The following DHRSX variants were observed in gnomAD, a reference collection of about 807,000 sequenced individuals.
The protein encoded by DHRSX is dehydrogenase/reductase X-linked, also known as polyprenol dehydrogenase.
In DHRSX, 31 loss-of-function variants were observed where a neutral mutation model predicts 34.0. The ratio of observed to expected loss-of-function variants is 0.91; its 90% CI spans 0.69 to 1.23. DHRSX has a LOEUF of 1.23. Among genes scored for constraint, DHRSX ranks in the 50% most tolerant of loss-of-function variants. The pLI is 0.00. For missense variants in DHRSX, 414 were observed against 428.1 expected, an observed-to-expected ratio of 0.97 and a Z score of 0.29; for synonymous variants, 201 against 183.8, an observed-to-expected ratio of 1.09 and a Z score of -0.76.
intron 5 of DHRSX, among the ~76,000 whole-genome samples, chrX:2,259,897 C>T (rs1249748840): frequency 1.3e-5 from 2 of 151,954 alleles, no homozygotes; most frequent in African/African-American, 4.8e-5. Context: ...CTCTAGATCT[C>T]TAACTAATTA....
chrX:2,396,060 C>T (rs923371650), intron 3 of DHRSX, among the ~76,000 whole-genome samples: 8 of 152,084 alleles, frequency 5.3e-5, no homozygotes, highest in African/African-American at 1.9e-4. Flanking sequence ...CCCTGCCTCT[C>T]CTAGTTCCTG....
chrX:2,364,276 T>C (rs997497193), intron 3 of DHRSX, among the ~76,000 whole-genome samples: 32 of 152,272 alleles, frequency 2.1e-4, no homozygotes, highest in African/African-American at 7.5e-4. Flanking sequence ...GGAGGTATTT[T>C]TGGTTGTTAT....
chrX:2,285,685 A>G (rs1211983285), intron 4 of DHRSX, among the ~76,000 whole-genome samples: 1 of 152,160 alleles, frequency 6.6e-6, no homozygotes, highest in Non-Finnish European at 1.5e-5. Context: ...CCTCTTAGAC[A>G]CTAAAAGTAC....
chrX:2,259,423 ATAAAT>A (rs913908348), intron 5 of DHRSX, among the ~76,000 whole-genome samples: 4 of 147,702 alleles, frequency 2.7e-5, no homozygotes, highest in Non-Finnish European at 6.0e-5. Context: ...GATATATACA[ATAAAT>A]TAAAATAAAA....
intron 6 of DHRSX, among the ~76,000 whole-genome samples, chrX:2,230,684 C>T (rs1054234340): frequency 6.6e-6 from 1 of 152,150 alleles, no homozygotes; most frequent in African/African-American, 2.4e-5. Context: ...CAAACACTGA[C>T]ACTTACTAGA....
At chrX:2,405,215 G>A (rs1715825615) in intron 3 of DHRSX, among the ~76,000 whole-genome samples, 1 of 152,162 alleles carries the variant, frequency 6.6e-6, no homozygotes, top group African/African-American at 2.4e-5. Flanking sequence ...AAGGCCGGGC[G>A]CGGTGGCTCA....
At position 2,220,399 on chromosome X, in the gene DHRSX, C is replaced by T. The variant is rs895929921; in HGVS notation, c.*642G>A. The T allele has an allele frequency of 3.3e-5, 5 of 152,348 alleles. No individual in the cohort carries two copies. Among genetic ancestry groups the T allele is most frequent in the African/African-American group, 1.2e-4 (5 of 41,452 alleles). The allele number at this position is 152,348 out of a possible 1,614,324, so 9.4% of individuals were successfully genotyped here. The stretch of plus-strand genomic sequence containing the variant: ...TAGGTTCTGAGGGTTAGGGCATGAA[C>T]ATATCTTTTGAGGGCTACCATTTGA... On this transcript the variant is annotated 3_prime_UTR_variant, in exon 7 of 7. Transcript: ENST00000334651.
Position 2,446,116 on chromosome X carries a change from T to C in DHRSX, c.110-20812A>G, listed in dbSNP as rs1176824801. ...GAAGAACGTGGCAAAGGGACCGCAC[T>C]GAAGACGTTCCAGAAGTGTGCGGCC... On this transcript the variant is annotated intron_variant, in intron 1 of 6. Transcript: ENST00000334651. Among the ~76,000 whole-genome samples the C allele has an allele frequency of 2.7e-5, 4 of 150,210 alleles. 1 individual carries two copies. Among genetic ancestry groups the C allele is most frequent in the Non-Finnish European group, 4.5e-5 (3 of 67,404 alleles).
At chrX:2,410,294 A>G (rs1188416828) in intron 2 of DHRSX, among the ~76,000 whole-genome samples, 7 of 151,978 alleles carry the variant, frequency 4.6e-5, no homozygotes, top group Non-Finnish European at 8.8e-5. Flanking sequence ...AGGGTCACGG[A>G]AAAAGTGTTG....
At chrX:2,243,788 GTTTTTT>G (rs778957532) in intron 5 of DHRSX, among the ~76,000 whole-genome samples, 643 of 25,080 alleles carry the variant, frequency 0.026, 16 homozygotes, top group African/African-American at 0.05. Flanking sequence ...TATGCTCCCT[GTTTTTT>G]TTTTTTTTTT....
chrX:2,330,260 T>G (rs1250456783), intron 3 of DHRSX, among the ~76,000 whole-genome samples: 1 of 150,986 alleles, frequency 6.6e-6, no homozygotes, highest in Non-Finnish European at 1.5e-5. Context: ...CGGTGTCTCA[T>G]GCCTGTAATC....
At chrX:2,443,425 G>A (rs6642165) in intron 1 of DHRSX, among the ~76,000 whole-genome samples, 1 of 151,548 alleles carries the variant, frequency 6.6e-6, no homozygotes, top group African/African-American at 2.4e-5. Context: ...AGTCAAGGCA[G>A]CATGCAAAAC....
intron 3 of DHRSX, among the ~76,000 whole-genome samples, chrX:2,355,109 G>A (rs1167559583): frequency 1.3e-5 from 2 of 152,116 alleles, no homozygotes; most frequent in Non-Finnish European, 2.9e-5. Context: ...AAATAGGTTG[G>A]AAGGAAAACA....
chrX:2,295,524 T>A (rs765811775), intron 3 of DHRSX, among the ~76,000 whole-genome samples: 1 of 152,288 alleles, frequency 6.6e-6, no homozygotes, highest in East Asian at 1.9e-4. Flanking sequence ...TGTATACCTA[T>A]GTAACAAACT....
At chrX:2,309,660 T>C (rs143665712) in intron 3 of DHRSX, among the ~76,000 whole-genome samples, 2,224 of 152,284 alleles carry the variant, frequency 0.015, 22 homozygotes, top group Non-Finnish European at 0.024. Context: ...CCTGTCACTG[T>C]AGCATTTTGA....
intron 3 of DHRSX, among the ~76,000 whole-genome samples, chrX:2,298,985 CAAAAAAAAAAAAAAAAA>C (rs1162323678): frequency 1.1e-5 from 1 of 88,536 alleles, no homozygotes; most frequent in Admixed American, 1.3e-4. Context: ...AACTCTGTCT[CAAAAAAAAAAAAAAAAA>C]AAAAAAAAAA....
chrX:2,229,594 G>A (rs896575593), intron 6 of DHRSX, among the ~76,000 whole-genome samples: 12 of 152,056 alleles, frequency 7.9e-5, no homozygotes, highest in Non-Finnish European at 2.9e-5. Flanking sequence ...GCATAGGTAC[G>A]CATTTATGTG....
At chrX:2,429,976 T>C (rs1777716544) in intron 1 of DHRSX, among the ~76,000 whole-genome samples, 1 of 152,052 alleles carries the variant, frequency 6.6e-6, no homozygotes, top group Admixed American at 6.6e-5. Flanking sequence ...CACAAACAAT[T>C]GGCAGGTTAA....
rs574631590 is a variant in DHRSX, at chrX:2,248,432, C to CAAAAA, written c.597-5207_597-5203dup. 1.6e-4 allele frequency among the ~76,000 whole-genome samples: 18 copies of CAAAAA among 111,088 alleles called. 1 individual carries two copies. The highest frequency in any genetic ancestry group is 6.1e-4 in the South Asian group (2 of 3,262). 72.9% of individuals were successfully genotyped at this position (111,088 alleles called of 152,430 possible). On this transcript the variant is annotated intron_variant, in intron 5 of 6. Transcript: ENST00000334651. ...TGGGCGACAGAGCGAGACTCTGTCT[C>CAAAAA]AAAAAAAAAAAGAAAAAAGAAAATA...
Sources: allele counts gnomAD v4.1 joint callset (sites outside exome capture counted in the v4.1 genomes callset), GRCh38; gene constraint gnomAD v4.1.1; transcripts MANE v1.5; gene names NCBI Gene and HGNC (gene_info 2026-07-23, HGNC 2026-07-21).